The following EIF2B3 variants were observed in gnomAD, a reference collection of about 807,000 sequenced individuals.
EIF2B3 encodes the protein translation initiation factor eIF2B subunit gamma.
A neutral mutation model predicts 54.1 loss-of-function variants in EIF2B3; 20 were observed. The observed-to-expected ratio is 0.37, with a 90% confidence interval of 0.26 to 0.54. The LOEUF (loss-of-function observed/expected upper bound fraction) is 0.54. EIF2B3 is among the 20% of genes least tolerant of loss of function. EIF2B3 has a pLI of 0.86. For synonymous variants in EIF2B3, 153 were observed against 188.1 expected (o/e 0.81, Z 1.52); for missense variants, 448 against 547.8 (o/e 0.82, Z 1.82).
intron 5 of EIF2B3, among the ~76,000 whole-genome samples, chr1:44,914,127 C>G (rs1557682873): frequency 6.6e-6 from 1 of 150,928 alleles, no homozygotes; most frequent in South Asian, 2.1e-4. Flanking sequence ...CCGCACCCAG[C>G]CTTACTTGCT....
rs113400214 is a variant in EIF2B3 at position 44,878,757 on chromosome 1, C to CTTT, written c.975+1058_975+1060dup. 2.1e-5 allele frequency among the ~76,000 whole-genome samples: 3 copies of CTTT among 143,812 alleles called. No individual in the cohort carries two copies. In the Admixed American group the frequency reaches 2.1e-4, roughly 10 times the overall value. The allele number at this position is 143,812 out of a possible 152,430, so 94.3% of individuals were successfully genotyped here. On this transcript the variant is annotated intron_variant, in intron 8 of 11. Coordinates refer to ENST00000360403, the MANE Select transcript of EIF2B3 (RefSeq NM_020365.5). ...TCAATTATTTATCTTTTCCTATCCT[C>CTTT]TTTTTTTTTTTTTAATACAGAGTCT...
In EIF2B3 at chr1:44,926,755, GA is replaced by G. The variant is rs534753916; in HGVS notation, c.455-17del. The G allele has an allele frequency of 5.1e-4, 781 of 1,535,424 alleles. 4 individuals carry two copies. In the East Asian group the frequency reaches 0.011, roughly 21 times the overall value. On this transcript the variant is annotated splice_polypyrimidine_tract_variant and intron_variant, in intron 4 of 11. Transcript: ENST00000360403. ...CGCTGCTCCACTGAATCATACAAAA[GA>G]AAAAAAAAATCAAATAAAGCCATTT...
intron 1 of EIF2B3, among the ~76,000 whole-genome samples, chr1:44,981,960 AAGAGAG>A (rs1557717113): frequency 6.6e-6 from 1 of 151,062 alleles, no homozygotes; most frequent in African/African-American, 2.4e-5. Flanking sequence ...AAAAAAAAAA[AAGAGAG>A]AAAAAAGAAA....
Position 44,881,818 on chromosome 1 carries a change from G to A in EIF2B3, c.657-79C>T. On this transcript the variant is annotated intron_variant, in intron 6 of 11. Transcript: ENST00000360403. The surrounding 1 kb of genome is among the most constrained non-coding windows in gnomAD (Gnocchi z 4.0). The stretch of plus-strand genomic sequence containing the variant: ...GGATCAAAAGCTCTGTGCATACAAG[G>A]AAAAGCCAAATCCTTTCCTGTCATG... 1 of 1,580,914 alleles carries A rather than the reference G, an allele frequency of 6.3e-7. No homozygotes were observed. The highest frequency in any genetic ancestry group is 8.6e-7 in the Non-Finnish European group (1 of 1,157,660).
intron 4 of EIF2B3, among the ~76,000 whole-genome samples, chr1:44,931,897 A>G (rs1435806008): frequency 1.3e-5 from 2 of 152,126 alleles, no homozygotes; most frequent in East Asian, 3.8e-4. Context: ...CAGGTGGATC[A>G]TTTGAGGCTA....
At chr1:44,858,510 C>T (rs1473177818) in intron 10 of EIF2B3, among the ~76,000 whole-genome samples, 1 of 152,234 alleles carries the variant, frequency 6.6e-6, no homozygotes, top group African/African-American at 2.4e-5. Context: ...TCTCGGATTA[C>T]CCAGGCTGGA....
intron 5 of EIF2B3, among the ~76,000 whole-genome samples, chr1:44,915,568 T>A (rs926556450): frequency 1.3e-5 from 2 of 152,058 alleles, no homozygotes; most frequent in Non-Finnish European, 2.9e-5. Context: ...CCTGCTATGT[T>A]GCCCAGGCTG....
Position 44,890,736 on chromosome 1 carries a change from A to G in EIF2B3, c.656+6619T>C, listed in dbSNP as rs1655768581. 2.0e-5 allele frequency among the ~76,000 whole-genome samples: 3 copies of G among 152,234 alleles called. No individual in the cohort carries two copies. The South Asian group carries it at 6.2e-4, about 32-fold the overall frequency. On this transcript the variant is annotated intron_variant, in intron 6 of 11. Transcript: ENST00000360403. ...CCCACCCAAGACCACGACTCTGTCT[A>G]TAAGTTGCCCTAATAAATCATCCAA...
At chr1:44,884,202 T>A (rs929859915) in intron 6 of EIF2B3, among the ~76,000 whole-genome samples, 3 of 152,204 alleles carry the variant, frequency 2.0e-5, no homozygotes, top group African/African-American at 4.8e-5. Context: ...AAGGTAATTC[T>A]GGTAGCAATG....
At chr1:44,891,309 C>A (rs914741627) in intron 6 of EIF2B3, among the ~76,000 whole-genome samples, 5 of 152,070 alleles carry the variant, frequency 3.3e-5, no homozygotes, top group South Asian at 4.2e-4. Flanking sequence ...CCCTAAGTTG[C>A]CCAGGCTGGT....
At chr1:44,974,097 A>G (rs994739714) in intron 3 of EIF2B3, among the ~76,000 whole-genome samples, 3 of 152,130 alleles carry the variant, frequency 2.0e-5, no homozygotes, top group African/African-American at 7.2e-5. Context: ...AATACAGAAA[A>G]GTAGAAGGAA....
chr1:44,900,110 CTT>C (rs1643250652), intron 5 of EIF2B3, among the ~76,000 whole-genome samples: 1 of 152,290 alleles, frequency 6.6e-6, no homozygotes, highest in Admixed American at 6.5e-5. Context: ...CATGGTCTCA[CTT>C]ATAAGTGGGA....
chr1:44,964,534 C>G (rs1163205119), intron 3 of EIF2B3, among the ~76,000 whole-genome samples: 1 of 152,204 alleles, frequency 6.6e-6, no homozygotes, highest in African/African-American at 2.4e-5. Context: ...TATGCTCAGT[C>G]TTTCTAATAA....
chr1:44,872,946 G>A (rs773794710), intron 10 of EIF2B3, among the ~76,000 whole-genome samples: 2 of 152,190 alleles, frequency 1.3e-5, no homozygotes, highest in Non-Finnish European at 2.9e-5. Flanking sequence ...ATGCTTGAGA[G>A]GGGTCTCTAT....
chr1:44,921,899 T>TTTTA (rs1553174406), intron 5 of EIF2B3, among the ~76,000 whole-genome samples: 2 of 150,782 alleles, frequency 1.3e-5, no homozygotes, highest in South Asian at 4.2e-4. Flanking sequence ...TATATATATT[T>TTTTA]TTTTATTTTA....
At chr1:44,955,014 A>C (rs535707307) in intron 3 of EIF2B3, among the ~76,000 whole-genome samples, 1 of 152,286 alleles carries the variant, frequency 6.6e-6, no homozygotes, top group South Asian at 2.1e-4. Flanking sequence ...TTTATGTGAC[A>C]GATTATGTTT....
rs979616838 is a variant in EIF2B3, at chr1:44,860,198, G to A, written c.1203-2391C>T. ...AAGGTCTCACTTTGTCACCCAGGCT[G>A]GAGTGCAGTGGCGTGATCTTGACTC... On this transcript the variant is annotated intron_variant, in intron 10 of 11. Transcript: ENST00000360403. Among the ~76,000 whole-genome samples the A allele has an allele frequency of 4.9e-4, 74 of 152,122 alleles. 1 individual carries two copies. The highest frequency in any genetic ancestry group is 4.6e-3 in the Admixed American group (71 of 15,282).
rs371302315 is a variant in EIF2B3 at position 44,981,018 on chromosome 1, C to T, written c.148+3G>A. 54 of 1,613,760 alleles carry T rather than the reference C, an allele frequency of 3.3e-5. 1 individual carries two copies. In the African/African-American group the frequency reaches 6.5e-4, roughly 20 times the overall value. The stretch of plus-strand genomic sequence containing the variant: ...GTTCACAGCTCACTTTGTCATAGCT[C>T]ACCTTCAAATCCAACACGCTCAAGC... On this transcript the variant is annotated splice_donor_region_variant and intron_variant, in intron 2 of 11. Coordinates refer to ENST00000360403, the MANE Select transcript of EIF2B3 (RefSeq NM_020365.5).
At chr1:44,974,768 A>G (rs263993) in intron 3 of EIF2B3, among the ~76,000 whole-genome samples, 1,787 of 152,348 alleles carry the variant, frequency 0.012, 19 homozygotes, top group African/African-American at 0.025. Context: ...AAACGAATCT[A>G]TAATTTAAAA....
Sources: gnomAD v4.1 joint callset for allele counts (sites outside exome capture counted in the v4.1 genomes callset) on GRCh38, gnomAD v4.1.1 for gene constraint, Gnocchi (gnomAD v3.1) non-coding constraint, MANE v1.5 for transcripts, NCBI Gene and HGNC (gene_info 2026-07-23, HGNC 2026-07-21) for gene names.